The following MYT1L variants were observed in gnomAD, a reference collection of about 807,000 sequenced individuals.
The protein encoded by MYT1L is myelin transcription factor 1 like.
Under a neutral mutation model 126.7 loss-of-function variants are expected in MYT1L, and 12 were observed. The ratio of observed to expected loss-of-function variants is 0.09; its 90% CI spans 0.06 to 0.15. The LOEUF (loss-of-function observed/expected upper bound fraction) is 0.15, where lower values mean the gene tolerates loss of function less well. Among genes scored for constraint, MYT1L ranks in the 10% least tolerant of loss-of-function variants. MYT1L has a pLI of 1.00. For missense variants in MYT1L, 979 were observed against 1,585.2 expected (o/e 0.62, Z 6.49); for synonymous variants, 541 against 604.2 (o/e 0.90, Z 1.53).
At chr2:2,070,617 TTG>T (rs2074489770) in intron 3 of MYT1L, among the ~76,000 whole-genome samples, 1 of 152,238 alleles carries the variant, frequency 6.6e-6, no homozygotes, top group African/African-American at 2.4e-5. Flanking sequence ...CATATGTTTA[TTG>T]TGTCACGTAC....
At chr2:2,233,526 C>T (rs535004592) in intron 2 of MYT1L, among the ~76,000 whole-genome samples, 4 of 152,220 alleles carry the variant, frequency 2.6e-5, no homozygotes, top group South Asian at 2.1e-4. Context: ...TGGGATGGGG[C>T]GGCCTCTGGT....
At chr2:1,921,839 A>G (rs528516191) in intron 10 of MYT1L, among the ~76,000 whole-genome samples, 2 of 152,360 alleles carry the variant, frequency 1.3e-5, no homozygotes, top group Admixed American at 1.3e-4. Flanking sequence ...ACTTGCTGAT[A>G]ATTTTACAAA....
intron 3 of MYT1L, among the ~76,000 whole-genome samples, chr2:2,061,625 C>T (rs1240611276): frequency 7.9e-5 from 12 of 152,170 alleles, no homozygotes; most frequent in Admixed American, 1.3e-4. Flanking sequence ...AAAGATGAAA[C>T]GCGTAACTGC....
chr2:2,239,864 C>T (rs971168169), intron 2 of MYT1L, among the ~76,000 whole-genome samples: 2 of 150,898 alleles, frequency 1.3e-5, no homozygotes, highest in African/African-American at 4.9e-5. Context: ...CTGTGGGGAG[C>T]TCTTGAGTCT....
chr2:2,204,329 A>G (rs1318992093), intron 2 of MYT1L, among the ~76,000 whole-genome samples: 31 of 151,648 alleles, frequency 2.0e-4, no homozygotes, highest in Non-Finnish European at 4.1e-4. Context: ...CAGGCAACCT[A>G]CAGAATGGGA....
chr2:2,067,263 G>C (rs529027221), intron 3 of MYT1L, among the ~76,000 whole-genome samples: 1 of 152,164 alleles, frequency 6.6e-6, no homozygotes, highest in Non-Finnish European at 1.5e-5. Flanking sequence ...ATAAAAACCT[G>C]TCAATAGGCC....
chr2:1,936,227 C>T (rs2055862506), intron 9 of MYT1L, among the ~76,000 whole-genome samples: 3 of 152,308 alleles, frequency 2.0e-5, no homozygotes, highest in Admixed American at 1.3e-4. Flanking sequence ...CCGTCCTCTA[C>T]CTGCATCTTA....
intron 1 of MYT1L, among the ~76,000 whole-genome samples, chr2:2,287,499 C>T (rs1032857594): frequency 9.9e-5 from 15 of 152,234 alleles, no homozygotes; most frequent in African/African-American, 2.9e-4. Context: ...TAGCATGAGT[C>T]AGTCCCAGTC....
chr2:2,060,012 GCAGA>G (rs2070184479), intron 3 of MYT1L, among the ~76,000 whole-genome samples: 1 of 152,204 alleles, frequency 6.6e-6, no homozygotes, highest in African/African-American at 2.4e-5. Context: ...TGGGCCCACT[GCAGA>G]CATAGAGCAT....
intron 3 of MYT1L, among the ~76,000 whole-genome samples, chr2:2,134,418 T>C (rs1450813701): frequency 6.6e-6 from 1 of 152,206 alleles, no homozygotes. Flanking sequence ...CAAATGTGAC[T>C]ATGTATGTCC....
intron 2 of MYT1L, among the ~76,000 whole-genome samples, chr2:2,187,200 T>A (rs1344928999): frequency 6.6e-6 from 1 of 152,046 alleles, no homozygotes; most frequent in African/African-American, 2.4e-5. Flanking sequence ...TAAATCTGCC[T>A]TTGATGAGCT....
At chr2:2,287,032 G>GGATCACCT (rs2095531329) in intron 1 of MYT1L, among the ~76,000 whole-genome samples, 1 of 152,110 alleles carries the variant, frequency 6.6e-6, no homozygotes. Context: ...CAAGGCAGGC[G>GGATCACCT]GATCACCTGA....
intron 9 of MYT1L, among the ~76,000 whole-genome samples, chr2:1,939,152 TGTGCCACGCA>T (rs1424817943): frequency 2.0e-5 from 3 of 152,232 alleles, no homozygotes; most frequent in Non-Finnish European, 4.4e-5. Flanking sequence ...ACGGCCACCC[TGTGCCACGCA>T]GGATGGGCGC....
intron 1 of MYT1L, among the ~76,000 whole-genome samples, chr2:2,294,530 T>C (rs2095644197): frequency 6.6e-6 from 1 of 152,018 alleles, no homozygotes; most frequent in African/African-American, 2.4e-5. Context: ...ACTGAACACA[T>C]GCTGGAGACT....
At chr2:2,004,706 C>CATT (rs1341162373) in intron 4 of MYT1L, among the ~76,000 whole-genome samples, 4 of 105,146 alleles carry the variant, frequency 3.8e-5, no homozygotes, top group African/African-American at 1.5e-4. Context: ...TTCCTGTGTG[C>CATT]CTTTCCTGCG....
intron 22 of MYT1L, among the ~76,000 whole-genome samples, chr2:1,803,787 A>C (rs2035248165): frequency 6.6e-6 from 1 of 152,178 alleles, no homozygotes; most frequent in South Asian, 2.1e-4. Context: ...GGAGGGAGAC[A>C]GGGAAACGGT....
At chr2:1,886,478 T>C in intron 18 of MYT1L, 61 bp downstream of exon 18, 1 of 1,274,366 alleles carries the variant, frequency 7.8e-7, no homozygotes. Flanking sequence ...CATATCATTT[T>C]TTTTTGTGAA....
In MYT1L at chr2:1,791,678, G is replaced by T; in HGVS notation, c.*189C>A. 1.8e-6 allele frequency: 1 copy of T among 549,402 alleles called. No individual in the cohort carries two copies. Among genetic ancestry groups the T allele is most frequent in the Non-Finnish European group, 3.1e-6 (1 of 323,466 alleles). 34.0% of individuals were successfully genotyped at this position (549,402 alleles called of 1,614,324 possible). Reference sequence around the variant, plus strand: ...CTTACATGGAAACGTACAAAATGTGGGTGTATTCAAAAACTATTCTGCAGG... The same window carrying T: ...CTTACATGGAAACGTACAAAATGTGTGTGTATTCAAAAACTATTCTGCAGG... On this transcript the variant is annotated 3_prime_UTR_variant, in exon 25 of 25. Transcript: ENST00000647738. The surrounding 1 kb of genome is among the most constrained non-coding windows in gnomAD (Gnocchi z 6.0).
At chr2:1,906,650 C>T (rs960934717) in intron 13 of MYT1L, among the ~76,000 whole-genome samples, 2 of 152,046 alleles carry the variant, frequency 1.3e-5, no homozygotes, top group African/African-American at 2.4e-5. Context: ...ATTGCGATTT[C>T]ATTAATTTAG....
Sources: allele counts gnomAD v4.1 joint callset (sites outside exome capture counted in the v4.1 genomes callset), GRCh38; gene constraint gnomAD v4.1.1; non-coding constraint Gnocchi (gnomAD v3.1); transcripts MANE v1.5; gene names NCBI Gene and HGNC (gene_info 2026-07-23, HGNC 2026-07-21).